The following TRPC4 variants were observed in gnomAD, a reference collection of about 807,000 sequenced individuals.
The protein encoded by TRPC4 is short transient receptor potential channel 4.
Under a neutral mutation model 99.4 loss-of-function variants are expected in TRPC4, and 49 were observed. The ratio of observed to expected loss-of-function variants is 0.49; its 90% confidence interval spans 0.39 to 0.63. TRPC4 has a LOEUF of 0.63. TRPC4 is among the 20% of genes least tolerant of loss of function. The pLI, the probability that TRPC4 is intolerant of heterozygous loss-of-function variation, is 0.00. For missense variants in TRPC4, 898 were observed against 1,152.9 expected, an observed-to-expected ratio of 0.78 and a Z score of 3.20; for synonymous variants, 454 against 425.9, an observed-to-expected ratio of 1.07 and a Z score of -0.81.
intron 2 of TRPC4, among the ~76,000 whole-genome samples, chr13:37,777,142 C>A (rs933772187): frequency 2.5e-4 from 38 of 151,924 alleles, no homozygotes; most frequent in African/African-American, 9.2e-4. Context: ...AATATACTTT[C>A]TTTTGCTCTC....
rs183040700 is a variant in TRPC4 at position 37,851,918 on chromosome 13, C to T, written c.-28+17677G>A. On this transcript the variant is annotated intron_variant, in intron 1 of 10. Coordinates refer to ENST00000379705, the MANE Select transcript of TRPC4 (RefSeq NM_016179.4). ...TAAGCCTTGCTGGACTCAGCCAGTG[C>T]CTGTGCACAGAGGGAGCATTTGAAC... Among the ~76,000 whole-genome samples, 757 of 152,262 alleles carry T rather than the reference C, an allele frequency of 5.0e-3. 1 individual carries two copies. The highest frequency in any genetic ancestry group is 7.5e-3 in the Non-Finnish European group (509 of 68,010).
chr13:37,733,922 G>A (rs1265354658), intron 3 of TRPC4, among the ~76,000 whole-genome samples: 2 of 152,140 alleles, frequency 1.3e-5, no homozygotes, highest in East Asian at 1.9e-4. Flanking sequence ...ATAATAGGTA[G>A]GAGAAAAGGA....
At chr13:37,745,535 T>TATAC in intron 3 of TRPC4, among the ~76,000 whole-genome samples, 1 of 75,876 alleles carries the variant, frequency 1.3e-5, no homozygotes. Context: ...TATGTATATA[T>TATAC]ACGTATATAT....
chr13:37,831,463 G>A (rs1039237993), intron 1 of TRPC4, among the ~76,000 whole-genome samples: 9 of 152,086 alleles, frequency 5.9e-5, no homozygotes, highest in African/African-American at 1.9e-4. Context: ...AGTCATTTTG[G>A]AATATAGTAT....
intron 2 of TRPC4, among the ~76,000 whole-genome samples, chr13:37,781,395 G>A (rs1956837031): frequency 6.6e-6 from 1 of 152,010 alleles, no homozygotes; most frequent in African/African-American, 2.4e-5. Context: ...ATACTTGAGA[G>A]GTACAGCTGT....
At position 37,830,820 on chromosome 13, in the gene TRPC4, T is replaced by TAA. The variant is rs1165059152; in HGVS notation, c.-28+38773_-28+38774dup. On this transcript the variant is annotated intron_variant, in intron 1 of 10. Coordinates refer to ENST00000379705, the MANE Select transcript of TRPC4 (RefSeq NM_016179.4). ...TATTTTTTGTATATATATATATATATAATATAATAGTATAAAGTGTAGAAG... is the reference window on the plus strand; with the variant it reads ...TATTTTTTGTATATATATATATATATAAAATATAATAGTATAAAGTGTAGAAG... 2.2e-3 allele frequency among the ~76,000 whole-genome samples: 314 copies of TAA among 142,564 alleles called. 1 individual carries two copies. The highest frequency in any genetic ancestry group is 4.0e-3 in the Non-Finnish European group (264 of 65,324). The allele number at this position is 142,564 out of a possible 152,430, so 93.5% of individuals were successfully genotyped here.
At chr13:37,696,212 G>A (rs1408346144) in intron 3 of TRPC4, among the ~76,000 whole-genome samples, 1 of 152,078 alleles carries the variant, frequency 6.6e-6, no homozygotes, top group Non-Finnish European at 1.5e-5. Context: ...CATGAAAACA[G>A]CATGGGAAAG....
chr13:37,820,135 C>A (rs1252038673), intron 1 of TRPC4, among the ~76,000 whole-genome samples: 1 of 151,886 alleles, frequency 6.6e-6, no homozygotes, highest in Non-Finnish European at 1.5e-5. Context: ...CACAGAAATA[C>A]AAAAAATTCC....
At chr13:37,723,206 G>A (rs1342297835) in intron 3 of TRPC4, among the ~76,000 whole-genome samples, 3 of 151,996 alleles carry the variant, frequency 2.0e-5, no homozygotes, top group African/African-American at 7.2e-5. Flanking sequence ...AATAACAAAA[G>A]CATATGATTA....
intron 2 of TRPC4, among the ~76,000 whole-genome samples, chr13:37,753,581 G>A (rs561670296): frequency 0.46 from 53,557 of 116,004 alleles, 11,289 homozygotes; most frequent in Non-Finnish European, 0.58. Context: ...GAGAAAGAGA[G>A]AGAGAGAGAG....
chr13:37,862,809 G>A (rs938371982), intron 1 of TRPC4, among the ~76,000 whole-genome samples: 2 of 151,536 alleles, frequency 1.3e-5, no homozygotes, highest in African/African-American at 2.4e-5. Context: ...TAAGACCTCA[G>A]TAAAGTGTGT....
intron 1 of TRPC4, among the ~76,000 whole-genome samples, chr13:37,833,030 T>C (rs565497774): frequency 1.3e-5 from 2 of 152,192 alleles, no homozygotes; most frequent in Non-Finnish European, 2.9e-5. Context: ...ATTTATTTCA[T>C]TTCCTTGCTG....
chr13:37,821,580 A>T (rs181092021), intron 1 of TRPC4, among the ~76,000 whole-genome samples: 18 of 152,294 alleles, frequency 1.2e-4, no homozygotes, highest in African/African-American at 4.3e-4. Context: ...AGGCTACAGT[A>T]ACTGAAACAG....
chr13:37,725,731 A>T (rs1955030613), intron 3 of TRPC4, among the ~76,000 whole-genome samples: 1 of 152,176 alleles, frequency 6.6e-6, no homozygotes, highest in African/African-American at 2.4e-5. Context: ...CAGTTTGGAT[A>T]AAAAAGATTC....
In TRPC4 at chr13:37,650,451, G is replaced by T. The variant is rs531642185; in HGVS notation, c.2079+814C>A. On this transcript the variant is annotated intron_variant, in intron 8 of 10. Transcript: ENST00000379705. The stretch of plus-strand genomic sequence containing the variant: ...ATGGCTGCACCAAAAGCTTCACGTG[G>T]TGTATCTTCTGCTGGAATTGCTTGA... Among the ~76,000 whole-genome samples the T allele has an allele frequency of 5.3e-5, 8 of 152,188 alleles. No individual in the cohort carries two copies. The East Asian group carries it at 7.8e-4, about 15-fold the overall frequency.
intron 8 of TRPC4, among the ~76,000 whole-genome samples, chr13:37,647,720 T>G (rs1336070727): frequency 6.6e-6 from 1 of 152,238 alleles, no homozygotes; most frequent in Non-Finnish European, 1.5e-5. Context: ...ATGTGCTAGT[T>G]TCACAAAGTG....
intron 2 of TRPC4, among the ~76,000 whole-genome samples, chr13:37,769,099 C>T (rs1956473259): frequency 6.6e-6 from 1 of 151,346 alleles, no homozygotes; most frequent in Non-Finnish European, 1.5e-5. Flanking sequence ...TTATTGATAG[C>T]ATTTTAACGA....
chr13:37,839,105 C>T (rs1430015042), intron 1 of TRPC4, among the ~76,000 whole-genome samples: 1 of 152,102 alleles, frequency 6.6e-6, no homozygotes, highest in Non-Finnish European at 1.5e-5. Flanking sequence ...TCAATATTGA[C>T]AAGTAGTAGT....
chr13:37,780,832 A>C (rs183390992), intron 2 of TRPC4, among the ~76,000 whole-genome samples: 19 of 152,092 alleles, frequency 1.2e-4, no homozygotes, highest in Non-Finnish European at 4.4e-5. Flanking sequence ...CAAACAAAAT[A>C]ATACAATTTT....
Sources: allele counts gnomAD v4.1 joint callset (sites outside exome capture counted in the v4.1 genomes callset), GRCh38; gene constraint gnomAD v4.1.1; transcripts MANE v1.5; gene names NCBI Gene and HGNC (gene_info 2026-07-23, HGNC 2026-07-21).